SYN2: variants seen among roughly 807,000 people sequenced by gnomAD.
The protein encoded by SYN2 is synapsin-2.
SYN2 carries 19 observed loss-of-function variants against 50.9 expected under a neutral mutation model. The ratio of observed to expected loss-of-function variants is 0.37; its 90% confidence interval spans 0.26 to 0.55. SYN2 has a LOEUF of 0.55. SYN2 is among the 20% of genes least tolerant of loss of function. The pLI is 0.81. For synonymous variants in SYN2, 255 were observed against 224.9 expected, an observed-to-expected ratio of 1.13 and a Z score of -1.20; for missense variants, 587 against 576.4, an observed-to-expected ratio of 1.02 and a Z score of -0.19.
At position 12,167,282 on chromosome 3, in the gene SYN2, G is replaced by A; in HGVS notation, c.1029G>A (p.Met343Ile). The A allele has an allele frequency of 6.2e-7, 1 of 1,612,868 alleles. No individual in the cohort carries two copies. Among genetic ancestry groups the A allele is most frequent in the Non-Finnish European group, 8.5e-7 (1 of 1,179,584 alleles). Residue 343 changes from methionine to isoleucine, a missense_variant, in exon 8 of 13, where the codon ATG (methionine) becomes ATA (isoleucine). Coordinates refer to ENST00000621198, the MANE Select transcript of SYN2 (RefSeq NM_133625.6). ...GGAAGACGAACACTGGCTCTGCGAT[G>A]CTGGAGCAGATTGCCATGTCAGACA... Reference protein sequence around the residue: ...GNWKTNTGSAMLEQIAMSDRY... With the variant: ...GNWKTNTGSAILEQIAMSDRY...
chr3:12,134,025 A>AGT (rs1401236655), intron 1 of SYN2, among the ~76,000 whole-genome samples: 1 of 152,196 alleles, frequency 6.6e-6, no homozygotes, highest in East Asian at 1.9e-4. Flanking sequence ...AAAAATAGAT[A>AGT]GTGGTGGTGG....
rs573246278 is a variant in SYN2 at position 12,044,181 on chromosome 3, T to TCTCTCTCTCACACACACACA, written c.377+39254_377+39255insTCTCTCTCACACACACACAC. ...AAAGTTCTCTCTCTCTCTCTCTCTC[T>TCTCTCTCTCACACACACACA]CACACACACACACACACACACACAC... On this transcript the variant is annotated intron_variant, in intron 1 of 12. Transcript: ENST00000621198. 6.3e-3 allele frequency among the ~76,000 whole-genome samples: 337 copies of TCTCTCTCTCACACACACACA among 53,300 alleles called. 5 individuals are homozygous for TCTCTCTCTCACACACACACA. Among genetic ancestry groups the TCTCTCTCTCACACACACACA allele is most frequent in the African/African-American group, 0.015 (323 of 21,524 alleles). The allele number at this position is 53,300 out of a possible 152,430, so 35.0% of individuals were successfully genotyped here.
intron 1 of SYN2, among the ~76,000 whole-genome samples, chr3:12,024,049 C>T (rs563667136): frequency 6.6e-6 from 1 of 151,518 alleles, no homozygotes; most frequent in East Asian, 1.9e-4. Context: ...AAGTTTGTAA[C>T]TCATTGAGTT....
Position 12,158,737 on chromosome 3 carries a change from G to A in SYN2, c.775-2809G>A, listed in dbSNP as rs528043373. The A allele has an allele frequency of 3.7e-5, 59 of 1,609,368 alleles. No homozygotes were observed. The Middle Eastern group carries it at 5.0e-4, about 14-fold the overall frequency. ...GTGGCAGATGTGCTGCTGAGGGTGC[G>A]CCGGGGCGCAGCTGCATGCCTCACC... On this transcript the variant is annotated intron_variant, in intron 5 of 12. Coordinates refer to ENST00000621198, the MANE Select transcript of SYN2 (RefSeq NM_133625.6).
chr3:12,158,686 C>A (rs374508996), intron 5 of SYN2: 3 of 1,608,978 alleles, frequency 1.9e-6, no homozygotes, highest in East Asian at 2.2e-5. Flanking sequence ...GTGGACCTCG[C>A]GGACCTCGGA....
intron 1 of SYN2, among the ~76,000 whole-genome samples, chr3:12,064,522 T>A (rs1346080242): frequency 6.6e-6 from 1 of 152,076 alleles, no homozygotes; most frequent in East Asian, 1.9e-4. Flanking sequence ...ATAGAGTTCT[T>A]ATAATTCAAC....
chr3:12,005,030 A>G (rs2623880), intron 1 of SYN2, 102 bp downstream of exon 1: 26,813 of 385,110 alleles, frequency 0.07, 1,334 homozygotes, highest in East Asian at 0.21. Context: ...TCAGACCAAT[A>G]AAAAGGAGGG....
intron 1 of SYN2, among the ~76,000 whole-genome samples, chr3:12,118,670 G>T (rs1283853433): frequency 6.6e-6 from 1 of 152,150 alleles, no homozygotes; most frequent in African/African-American, 2.4e-5. Flanking sequence ...GTATGAAGAA[G>T]TTTAGGGGGT....
intron 11 of SYN2, among the ~76,000 whole-genome samples, chr3:12,186,097 T>TA (rs1295496939): frequency 6.6e-6 from 1 of 151,910 alleles, no homozygotes; most frequent in Non-Finnish European, 1.5e-5. Context: ...GGCATAGACA[T>TA]ACAGTTCTGC....
chr3:12,034,272 A>G (rs1200524146), intron 1 of SYN2, among the ~76,000 whole-genome samples: 1 of 152,072 alleles, frequency 6.6e-6, no homozygotes, highest in Non-Finnish European at 1.5e-5. Flanking sequence ...TTTGGTTTGC[A>G]TTTCCCTAAT....
chr3:12,076,834 T>A lies in SYN2; in HGVS notation c.378-63817T>A, dbSNP rs115970294. 6.6e-3 allele frequency among the ~76,000 whole-genome samples: 1,008 copies of A among 152,232 alleles called. 7 individuals are homozygous for A. The highest frequency in any genetic ancestry group is 0.023 in the African/African-American group (960 of 41,562). ...GGAAACAAATTTGATGTCACTCAAA[T>A]AGCCCAGGGATGCTAAGATTACAAC... On this transcript the variant is annotated intron_variant, in intron 1 of 12. Transcript: ENST00000621198.
chr3:12,107,408 C>T (rs889816147), intron 1 of SYN2, among the ~76,000 whole-genome samples: 5 of 152,118 alleles, frequency 3.3e-5, no homozygotes, highest in Non-Finnish European at 7.4e-5. Context: ...AACATTTGCT[C>T]GGTCCTTATT....
chr3:12,086,940 A>G (rs578254126), intron 1 of SYN2, among the ~76,000 whole-genome samples: 5 of 152,132 alleles, frequency 3.3e-5, no homozygotes, highest in Non-Finnish European at 7.4e-5. Flanking sequence ...TGATGATATT[A>G]TATATTTTTT....
At chr3:12,144,386 G>A (rs1450383886) in intron 3 of SYN2, among the ~76,000 whole-genome samples, 1 of 152,196 alleles carries the variant, frequency 6.6e-6, no homozygotes, top group East Asian at 1.9e-4. Context: ...TCTCCTGGGG[G>A]CCTGATGAGG....
chr3:12,134,449 G>A (rs1312266403), intron 1 of SYN2, among the ~76,000 whole-genome samples: 1 of 152,212 alleles, frequency 6.6e-6, no homozygotes, highest in African/African-American at 2.4e-5. Context: ...AGTGCCCAGA[G>A]CCTCACCCAA....
intron 1 of SYN2, among the ~76,000 whole-genome samples, chr3:12,089,973 A>T (rs910119016): frequency 6.6e-6 from 1 of 152,212 alleles, no homozygotes; most frequent in African/African-American, 2.4e-5. Context: ...AGAAGGAGTT[A>T]GATTAGAGAA....
chr3:12,009,255 A>G (rs1693867244), intron 1 of SYN2, among the ~76,000 whole-genome samples: 2 of 152,060 alleles, frequency 1.3e-5, no homozygotes, highest in Admixed American at 1.3e-4. Context: ...TCGAGAGGGG[A>G]TGTGGCTTGT....
chr3:12,153,734 A>G (rs1697372930), intron 5 of SYN2: 3 of 1,613,222 alleles, frequency 1.9e-6, no homozygotes, highest in South Asian at 1.1e-5. Context: ...GCCACACAAC[A>G]TTAAAGTGAG....
intron 1 of SYN2, among the ~76,000 whole-genome samples, chr3:12,050,829 G>T (rs569434745): frequency 7.4e-6 from 1 of 135,762 alleles, no homozygotes; most frequent in African/African-American, 2.6e-5. Flanking sequence ...TCCGCTTCCC[G>T]GGTTCACGCC....
Sources: allele counts gnomAD v4.1 joint callset (sites outside exome capture counted in the v4.1 genomes callset), GRCh38; gene constraint gnomAD v4.1.1; transcripts MANE v1.5; gene names NCBI Gene and HGNC (gene_info 2026-07-23, HGNC 2026-07-21).